The following BLTP3B variants were observed in gnomAD, a reference collection of about 807,000 sequenced individuals.
The protein encoded by BLTP3B is bridge-like lipid transfer protein family member 3B, also known as UHRF1 (ICBP90) binding protein 1-like.
chr12:100,124,978 A>ATATATATTTTTTTT, the BLTP3B span, among the ~76,000 whole-genome samples: 1 of 99,260 alleles, frequency 1.0e-5, no homozygotes, highest in African/African-American at 5.3e-5. Context: ...ATATATATAT[A>ATATATATTTTTTTT]TTTATATTTA....
the BLTP3B span, among the ~76,000 whole-genome samples, chr12:100,071,299 C>G: frequency 6.6e-6 from 1 of 151,896 alleles, no homozygotes; most frequent in East Asian, 1.9e-4. Flanking sequence ...GAGTTAGAGA[C>G]CAGCCTGGCC....
chr12:100,048,693 C>A, the BLTP3B span, among the ~76,000 whole-genome samples: 13 of 138,388 alleles, frequency 9.4e-5, 2 homozygotes, highest in Admixed American at 9.6e-4. Context: ...TAAATTGTTT[C>A]TTTAGAAGGC....
the BLTP3B span, among the ~76,000 whole-genome samples, chr12:100,072,389 T>C: frequency 7.9e-5 from 12 of 152,038 alleles, no homozygotes; most frequent in African/African-American, 2.7e-4. Context: ...AGACTAGACT[T>C]ATGCACTATA....
chr12:100,081,250 C>T, the BLTP3B span, among the ~76,000 whole-genome samples: 2 of 152,170 alleles, frequency 1.3e-5, no homozygotes, highest in African/African-American at 4.8e-5. Context: ...CTGCCTTATG[C>T]ATCTCTTCCT....
chr12:100,094,450 T>C, the BLTP3B span, among the ~76,000 whole-genome samples: 1 of 152,196 alleles, frequency 6.6e-6, no homozygotes, highest in Non-Finnish European at 1.5e-5. Flanking sequence ...CATTATTCTC[T>C]GAGGTCCTTC....
chr12:100,048,325 C>T, the BLTP3B span: 1 of 984,334 alleles, frequency 1.0e-6, no homozygotes, highest in Non-Finnish European at 1.4e-6. Context: ...CTCTATAGTA[C>T]ATATACAATA....
the BLTP3B span, chr12:100,048,074 G>T: frequency 6.2e-7 from 1 of 1,613,130 alleles, no homozygotes; most frequent in South Asian, 1.1e-5. Context: ...TTTTCTATGT[G>T]GCACTGCAGA....
At chr12:100,094,722 A>G in the BLTP3B span, among the ~76,000 whole-genome samples, 1 of 152,208 alleles carries the variant, frequency 6.6e-6, no homozygotes, top group Non-Finnish European at 1.5e-5. Flanking sequence ...TAGCTCAGCG[A>G]GGTGGCACTT....
chr12:100,040,340 G>A, the BLTP3B span, among the ~76,000 whole-genome samples: 2 of 152,092 alleles, frequency 1.3e-5, no homozygotes, highest in African/African-American at 4.8e-5. Context: ...AGACCAGCCT[G>A]AGCAATGTAG....
chr12:100,116,125 T>C, the BLTP3B span, among the ~76,000 whole-genome samples: 2 of 148,454 alleles, frequency 1.3e-5, no homozygotes, highest in African/African-American at 5.0e-5. Flanking sequence ...TGAGCCGAGA[T>C]GGTGCCAATG....
the BLTP3B span, among the ~76,000 whole-genome samples, chr12:100,075,623 T>C: frequency 6.6e-6 from 1 of 152,098 alleles, no homozygotes; most frequent in Admixed American, 6.5e-5. Flanking sequence ...ATAAGGAACT[T>C]GAACAAAAGT....
At chr12:100,100,435 G>A in the BLTP3B span, among the ~76,000 whole-genome samples, 1 of 151,986 alleles carries the variant, frequency 6.6e-6, no homozygotes, top group African/African-American at 2.4e-5. Flanking sequence ...TTTTGGCTGG[G>A]CACAGTAGCT....
At chr12:100,137,487 T>C in the BLTP3B span, among the ~76,000 whole-genome samples, 1 of 152,152 alleles carries the variant, frequency 6.6e-6, no homozygotes, top group Non-Finnish European at 1.5e-5. Flanking sequence ...CTGGCTAATT[T>C]TTGTATTTGG....
the BLTP3B span, chr12:100,059,647 A>G: frequency 9.6e-6 from 12 of 1,247,204 alleles, no homozygotes; most frequent in East Asian, 7.7e-5. Context: ...CCAAAATACT[A>G]CTTTCCTATT....
chr12:100,142,471 G>T, the BLTP3B span: 1 of 1,103,218 alleles, frequency 9.1e-7, no homozygotes, highest in East Asian at 2.9e-5. Context: ...GCCAGAGCGG[G>T]GAAGTCCGAA....
At chr12:100,098,279 T>C in the BLTP3B span, 2 of 1,455,256 alleles carry the variant, frequency 1.4e-6, no homozygotes, top group African/African-American at 1.4e-5. Flanking sequence ...AACCATGAGA[T>C]GTGATTTTTT....
chr12:100,047,626 G>A, the BLTP3B span: 70 of 1,607,832 alleles, frequency 4.4e-5, no homozygotes, highest in Middle Eastern at 1.6e-4. Context: ...GTACTACTCC[G>A]GGGACTATCA....
At chr12:100,112,722 G>C in the BLTP3B span, among the ~76,000 whole-genome samples, 1 of 152,134 alleles carries the variant, frequency 6.6e-6, no homozygotes, top group South Asian at 2.1e-4. Context: ...TAAGGGAACA[G>C]AGAATAAATG....
chr12:100,108,476 C>T, the BLTP3B span: 3 of 1,613,626 alleles, frequency 1.9e-6, no homozygotes, highest in South Asian at 3.3e-5. Context: ...CATCCAACTC[C>T]AAATTCTTCA....
Sources: allele counts gnomAD v4.1 joint callset (sites outside exome capture counted in the v4.1 genomes callset), GRCh38; gene constraint gnomAD v4.1.1; transcripts MANE v1.5; gene names NCBI Gene and HGNC (gene_info 2026-07-23, HGNC 2026-07-21).